The following CRAMP1 variants were observed in gnomAD, a reference collection of about 807,000 sequenced individuals.
CRAMP1 encodes protein cramped-like.
Under a neutral mutation model 115.4 loss-of-function variants are expected in CRAMP1, and 50 were observed. That is an observed-to-expected ratio of 0.43 (90% CI 0.35 to 0.55). The LOEUF (loss-of-function observed/expected upper bound fraction) is 0.55, where lower values mean the gene tolerates loss of function less well. Among genes scored for constraint, CRAMP1 ranks in the 20% least tolerant of loss-of-function variants. The probability of loss-of-function intolerance (pLI) is 0.01; values close to 1 mark genes in which losing one functional copy is unlikely to be tolerated. For synonymous variants in CRAMP1, 866 were observed against 745.4 expected (o/e 1.16, Z -2.64); for missense variants, 1,679 against 1,721.7 (o/e 0.98, Z 0.44).
At chr16:1,615,217 G>C (rs748349146) in intron 2 of CRAMP1, among the ~76,000 whole-genome samples, 7 of 152,136 alleles carry the variant, frequency 4.6e-5, no homozygotes, top group African/African-American at 1.7e-4. Context: ...CCTTTTTTGG[G>C]GGGGAGTCGA....
chr16:1,656,031 A>G lies in CRAMP1; in HGVS notation c.1274A>G (p.His425Arg). 1 of 1,612,378 alleles carries G rather than the reference A, an allele frequency of 6.2e-7. No individual in the cohort carries two copies. Among genetic ancestry groups the G allele is most frequent in the Non-Finnish European group, 8.5e-7 (1 of 1,179,678 alleles). The change falls in exon 10 of 21, where the codon CAC becomes CGC. Residue 425 changes from histidine to arginine, a missense_variant. Physicochemically the swap from His to Arg is conservative, Grantham distance 29. Around this residue, in one of 8 missense-constraint regions of CRAMP1, gnomAD observed 191 missense variants for 236.2 expected, o/e 0.81. Coordinates refer to ENST00000397412, the MANE Select transcript of CRAMP1 (RefSeq NM_020825.4). This position sits in a 1 kb window ranked among gnomAD's most constrained non-coding sequence, Gnocchi z 5.6. ...CACTCCAAGGCCTTCTGCACAGTGC[A>G]CTGGCAGGAGGGCGGCCGGTGCAAG... The part of the protein sequence containing the change: ...VVHSKAFCTV[H>R]WQEGGRCKQS...
At chr16:1,648,374 C>T (rs1278047738) in intron 6 of CRAMP1, among the ~76,000 whole-genome samples, 3 of 151,930 alleles carry the variant, frequency 2.0e-5, no homozygotes, top group Non-Finnish European at 4.4e-5. Flanking sequence ...TTTGGGAGGC[C>T]GCGGCTGGCG....
chr16:1,620,212 A>C (rs78772544), intron 2 of CRAMP1, among the ~76,000 whole-genome samples: 3,507 of 152,286 alleles, frequency 0.023, 143 homozygotes, highest in African/African-American at 0.079. Flanking sequence ...GAGGCACGGA[A>C]TGCCTCAGGA....
In CRAMP1 at chr16:1,655,296, G is replaced by T; in HGVS notation, c.1115G>T (p.Arg372Leu). Reference sequence around the variant, plus strand: ...CAGAAGTGGGCGCTCCATGAGGTGCGAGTTGTATCCTTTTCCAGCTAAAGC... The same window carrying T: ...CAGAAGTGGGCGCTCCATGAGGTGCTAGTTGTATCCTTTTCCAGCTAAAGC... ...LKQKWALHEVRVRKTLEERQL... is the reference protein window; with the variant it reads ...LKQKWALHEVLVRKTLEERQL... Residue 372 changes from arginine (R) to leucine (L), a missense_variant, in exon 9 of 21, where the codon CGA becomes CTA. Around this residue, in one of 8 missense-constraint regions of CRAMP1, gnomAD observed 191 missense variants for 236.2 expected, o/e 0.81. Coordinates refer to ENST00000397412, the MANE Select transcript of CRAMP1 (RefSeq NM_020825.4). The T allele has an allele frequency of 6.2e-7, 1 of 1,613,688 alleles. No individual in the cohort carries two copies. Among genetic ancestry groups the T allele is most frequent in the Admixed American group, 1.7e-5 (1 of 60,024 alleles).
At chr16:1,642,883 T>C (rs2036644238) in intron 6 of CRAMP1, among the ~76,000 whole-genome samples, 2 of 152,236 alleles carry the variant, frequency 1.3e-5, no homozygotes, top group Non-Finnish European at 1.5e-5. Context: ...TGAGCGTTCC[T>C]TTTGCCAAAA....
intron 3 of CRAMP1, among the ~76,000 whole-genome samples, chr16:1,630,462 T>C (rs12447174): frequency 0.04 from 6,113 of 152,280 alleles, 339 homozygotes; most frequent in Admixed American, 0.14. Flanking sequence ...CTTAACTTTT[T>C]GTTTTGAAAT....
chr16:1,650,561 A>G (rs1038676533), intron 6 of CRAMP1, among the ~76,000 whole-genome samples: 2 of 152,246 alleles, frequency 1.3e-5, no homozygotes, highest in African/African-American at 4.8e-5. Flanking sequence ...AACCACTTAC[A>G]GTCATTTCAT....
Position 1,614,969 on chromosome 16 carries a change from G to A in CRAMP1, c.330G>A (p.Ser110=), listed in dbSNP as rs2036405293. The change falls in exon 2 of 21, where the codon TCG becomes TCA. Residue 110 remains serine, a synonymous_variant. Coordinates refer to ENST00000397412, the MANE Select transcript of CRAMP1 (RefSeq NM_020825.4). This position sits in a 1 kb window ranked among gnomAD's most constrained non-coding sequence, Gnocchi z 4.4. The stretch of plus-strand genomic sequence containing the variant: ...TGGGGAGCGGCAACGCCGGTGGCTC[G>A]GGGCCCCGCGGAAAAGGTAGGGCGG... ...SAVGSGNAGG[S]GPRGKGAEGG... 8.0e-7 allele frequency: 1 copy of A among 1,254,872 alleles called. No individual in the cohort carries two copies. The highest frequency in any genetic ancestry group is 1.5e-5 in the African/African-American group (1 of 64,656). The allele number at this position is 1,254,872 out of a possible 1,614,324, so 77.7% of individuals were successfully genotyped here.
chr16:1,612,579 G>T lies in CRAMP1; in HGVS notation c.-80G>T, dbSNP rs961062111. 7.4e-4 allele frequency among the ~76,000 whole-genome samples: 113 copies of T among 151,968 alleles called. 1 individual carries two copies. Among genetic ancestry groups the T allele is most frequent in the African/African-American group, 2.4e-3 (100 of 41,508 alleles). The stretch of plus-strand genomic sequence containing the variant: ...CTGCAGCCGGCGCTCGGGGGCCGGG[G>T]CTGCCCGGCCCGGCTGGTTCTGCGG... On this transcript the variant is annotated 5_prime_UTR_variant, in exon 1 of 21. Coordinates refer to ENST00000397412, the MANE Select transcript of CRAMP1 (RefSeq NM_020825.4).
At chr16:1,613,525 T>C (rs988348401) in intron 1 of CRAMP1, among the ~76,000 whole-genome samples, 1 of 152,180 alleles carries the variant, frequency 6.6e-6, no homozygotes, top group African/African-American at 2.4e-5. Flanking sequence ...ATCTTCAGCG[T>C]TTTTGCTTCC....
In CRAMP1 at chr16:1,669,001, G is replaced by A. The variant is rs767705444; in HGVS notation, c.3335G>A (p.Gly1112Asp). Reference sequence around the variant, plus strand: ...TCTGATCTGGGATCTTGGTTGGCAGGTGAAGGAGTCCCTCTTTCTCCAGCA... The same window carrying A: ...TCTGATCTGGGATCTTGGTTGGCAGATGAAGGAGTCCCTCTTTCTCCAGCA... ...IEIAISSGQY[G>D]EGVPLSPAKL... Residue 1112 changes from glycine to aspartate, a missense_variant and splice_region_variant, in exon 19 of 21, where the codon GGT becomes GAT. Physicochemically the swap from Gly to Asp is moderately conservative, Grantham distance 94. Transcript: ENST00000397412. The surrounding 1 kb of genome is among the most constrained non-coding windows in gnomAD (Gnocchi z 4.6). The A allele has an allele frequency of 1.9e-6, 3 of 1,612,814 alleles. No homozygotes were observed. The African/African-American group carries it at 4.0e-5, about 22-fold the overall frequency.
chr16:1,632,243 A>C lies in CRAMP1; in HGVS notation c.572A>C (p.Asn191Thr), dbSNP rs771761990. 1 of 1,574,142 alleles carries C rather than the reference A, an allele frequency of 6.4e-7. No homozygotes were observed. The highest frequency in any genetic ancestry group is 1.2e-5 in the South Asian group (1 of 85,438). The change falls in exon 4 of 21, where the codon AAC becomes ACC. Residue 191 changes from asparagine to threonine, a missense_variant. Around this residue, in one of 8 missense-constraint regions of CRAMP1, gnomAD observed 44 missense variants for 92.4 expected, o/e 0.48. Coordinates refer to ENST00000397412, the MANE Select transcript of CRAMP1 (RefSeq NM_020825.4). Reference protein sequence around the residue: ...HGKDFEAIQNNIALKYKKKGK... With the variant: ...HGKDFEAIQNTIALKYKKKGK... ...AAAGACTTTGAAGCGATTCAGAACAACATTGCGCTGAAGTACAAGAAGAAA... is the reference window on the plus strand; with the variant it reads ...AAAGACTTTGAAGCGATTCAGAACACCATTGCGCTGAAGTACAAGAAGAAA...
At position 1,671,314 on chromosome 16, in the gene CRAMP1, C is replaced by T. The variant is rs1292287871; in HGVS notation, c.3645+505C>T. Reference sequence around the variant, plus strand: ...CTCTGCTGTCCTCATGCTTCTCCCACGCCCAGGGTAGTGATAGGAGGAGTC... The same window carrying T: ...CTCTGCTGTCCTCATGCTTCTCCCATGCCCAGGGTAGTGATAGGAGGAGTC... On this transcript the variant is annotated intron_variant, in intron 20 of 20. Coordinates refer to ENST00000397412, the MANE Select transcript of CRAMP1 (RefSeq NM_020825.4). The surrounding 1 kb of genome is among the most constrained non-coding windows in gnomAD (Gnocchi z 5.0). Among the ~76,000 whole-genome samples the T allele has an allele frequency of 1.3e-5, 2 of 152,184 alleles. No individual in the cohort carries two copies. The highest frequency in any genetic ancestry group is 2.4e-5 in the African/African-American group (1 of 41,446).
chr16:1,664,250 C>T (rs2036856039), intron 13 of CRAMP1, among the ~76,000 whole-genome samples: 1 of 152,218 alleles, frequency 6.6e-6, no homozygotes, highest in African/African-American at 2.4e-5. Flanking sequence ...GTCCTTGTCA[C>T]TCAAACCTGC....
rs530712194 is a variant in CRAMP1 at position 1,655,431 on chromosome 16, A to G, written c.1119+131A>G. The G allele has an allele frequency of 2.7e-4, 203 of 759,812 alleles. 2 individuals carry two copies. In the Middle Eastern group the frequency reaches 3.6e-3, roughly 14 times the overall value. 47.1% of individuals were successfully genotyped at this position (759,812 alleles called of 1,614,324 possible). A position where few individuals can be genotyped will look rare whatever the true frequency, so the allele number is the denominator to read the frequency against. Reference sequence around the variant, plus strand: ...GAACAGCCATGCTGTGACATGGTGTACATCTGGAACCATAACCTGGAGCCC... The same window carrying G: ...GAACAGCCATGCTGTGACATGGTGTGCATCTGGAACCATAACCTGGAGCCC... On this transcript the variant is annotated intron_variant, in intron 9 of 20. Coordinates refer to ENST00000397412, the MANE Select transcript of CRAMP1 (RefSeq NM_020825.4).
chr16:1,670,960 C>T (rs1022833600), intron 20 of CRAMP1, among the ~76,000 whole-genome samples, 151 bp downstream of exon 20: 2 of 152,168 alleles, frequency 1.3e-5, no homozygotes, highest in African/African-American at 4.8e-5. Flanking sequence ...TCCCTGACTA[C>T]TGAGAATGGA....
chr16:1,626,267 G>A (rs1298687607), intron 3 of CRAMP1, 101 bp downstream of exon 3: 4 of 1,172,192 alleles, frequency 3.4e-6, no homozygotes, highest in Non-Finnish European at 4.7e-6. Flanking sequence ...ATTCTAGAAC[G>A]CAGATTCCTG....
chr16:1,656,661 C>T lies in CRAMP1; in HGVS notation c.1904C>T (p.Ala635Val). 1.3e-6 allele frequency: 2 copies of T among 1,575,106 alleles called. No homozygotes were observed. The highest frequency in any genetic ancestry group is 2.4e-5 in the East Asian group (1 of 42,512). The change falls in exon 10 of 21, where the codon GCA becomes GTA. Residue 635 changes from alanine (A) to valine (V), a missense_variant. This residue lies in a region of CRAMP1 where 405 missense variants were observed against 302.6 expected (regional missense o/e 1.34). Transcript: ENST00000397412. The surrounding 1 kb of genome is among the most constrained non-coding windows in gnomAD (Gnocchi z 5.6). Reference sequence around the variant, plus strand: ...GTTTGCACTAAAGACTTGGCAGATGCACCTGCGGAGGAGCTCCAGGAGAAG... The same window carrying T: ...GTTTGCACTAAAGACTTGGCAGATGTACCTGCGGAGGAGCTCCAGGAGAAG... ...LDVCTKDLAD[A>V]PAEELQEKGS...
At chr16:1,668,677 C>T (rs1408712928) in intron 18 of CRAMP1, among the ~76,000 whole-genome samples, 1 of 152,188 alleles carries the variant, frequency 6.6e-6, no homozygotes, top group Admixed American at 6.5e-5. Flanking sequence ...TAGCCTTGGG[C>T]AGCTCACCAC....
Sources: gnomAD v4.1 joint callset for allele counts (sites outside exome capture counted in the v4.1 genomes callset) on GRCh38, gnomAD v4.1.1 for gene constraint, gnomAD v4.1.1 regional missense constraint, Gnocchi (gnomAD v3.1) non-coding constraint, MANE v1.5 for transcripts, NCBI Gene and HGNC (gene_info 2026-07-23, HGNC 2026-07-21) for gene names.